GPR26: variants seen among roughly 807,000 people sequenced by gnomAD.
GPR26 encodes G protein-coupled receptor 26.
GPR26 carries 15 observed loss-of-function variants against 23.1 expected under a neutral mutation model. That is an observed-to-expected ratio of 0.65 (90% CI 0.43 to 1.00). The LOEUF (loss-of-function observed/expected upper bound fraction) is 1.00. Ranked by LOEUF, GPR26 falls within the 50% of genes least tolerant of loss-of-function variation. GPR26 has a pLI of 0.00. For synonymous variants in GPR26, 228 were observed against 222.1 expected, an observed-to-expected ratio of 1.03 and a Z score of -0.24; for missense variants, 359 against 470.5, an observed-to-expected ratio of 0.76 and a Z score of 2.19.
At chr10:123,675,970 G>A (rs1845305989) in intron 2 of GPR26, among the ~76,000 whole-genome samples, 2 of 152,104 alleles carry the variant, frequency 1.3e-5, no homozygotes, top group Non-Finnish European at 2.9e-5. Flanking sequence ...TCAGCATCTT[G>A]CACACCCCAG....
chr10:123,688,455 G>C lies in GPR26; in HGVS notation c.*295G>C. On this transcript the variant is annotated 3_prime_UTR_variant, in exon 3 of 3. Coordinates refer to ENST00000284674, the MANE Select transcript of GPR26 (RefSeq NM_153442.4). ...GAGGCTCCCTGGGGGATGACACTCA[G>C]TTCTGTCACTGTCAAGGATGCAGAG... is the stretch of plus-strand genomic sequence containing the variant. 1 of 410,542 alleles carries C rather than the reference G, an allele frequency of 2.4e-6. No individual in the cohort carries two copies. Among genetic ancestry groups the C allele is most frequent in the Non-Finnish European group, 4.5e-6 (1 of 220,676 alleles). 25.4% of individuals were successfully genotyped at this position (410,542 alleles called of 1,614,324 possible).
In GPR26 at chr10:123,695,136, T is replaced by G. The variant is rs751737167; in HGVS notation, c.*6976T>G. Reference sequence around the variant, plus strand: ...CGGGTGTTGCCCGTACAGTGTGTCATGTAAATAGCATCTAGCATTTAAAGG... The same window carrying G: ...CGGGTGTTGCCCGTACAGTGTGTCAGGTAAATAGCATCTAGCATTTAAAGG... On this transcript the variant is annotated 3_prime_UTR_variant, in exon 3 of 3. Coordinates refer to ENST00000284674, the MANE Select transcript of GPR26 (RefSeq NM_153442.4). Among the ~76,000 whole-genome samples, 2 of 152,244 alleles carry G rather than the reference T, an allele frequency of 1.3e-5. No homozygotes were observed. The highest frequency in any genetic ancestry group is 2.9e-5 in the Non-Finnish European group (2 of 68,038).
At chr10:123,685,588 C>T (rs1845423983) in intron 2 of GPR26, among the ~76,000 whole-genome samples, 1 of 152,210 alleles carries the variant, frequency 6.6e-6, no homozygotes, top group African/African-American at 2.4e-5. Context: ...TGATAAAGGC[C>T]AGACATTGGC....
chr10:123,690,805 T>C lies in GPR26; in HGVS notation c.*2645T>C, dbSNP rs540683856. 6 of 152,366 alleles carry C rather than the reference T, an allele frequency of 3.9e-5. No individual in the cohort carries two copies. In the East Asian group the frequency reaches 1.2e-3, roughly 29 times the overall value. The allele number at this position is 152,366 out of a possible 1,614,324, so 9.4% of individuals were successfully genotyped here. ...CCTGGCTTTATTACTCCCAATTGAA[T>C]TATCTACCTCATTTTGTTAATTTAA... On this transcript the variant is annotated 3_prime_UTR_variant, in exon 3 of 3. Transcript: ENST00000284674.
In GPR26 at chr10:123,693,399, T is replaced by G. The variant is rs1183086107; in HGVS notation, c.*5239T>G. 1 of 152,240 alleles carries G rather than the reference T, an allele frequency of 6.6e-6. No individual in the cohort carries two copies. The allele number at this position is 152,240 out of a possible 1,614,324, so 9.4% of individuals were successfully genotyped here. A position where few individuals can be genotyped will look rare whatever the true frequency, so the allele number is the denominator to read the frequency against. ...CCCCTGGCACCAAAGTGGACCTCTTTGCACCTTGCAGCCGGGAGAACTGAC... is the reference window on the plus strand; with the variant it reads ...CCCCTGGCACCAAAGTGGACCTCTTGGCACCTTGCAGCCGGGAGAACTGAC... On this transcript the variant is annotated 3_prime_UTR_variant, in exon 3 of 3. Transcript: ENST00000284674.
rs780129891 is a variant in GPR26, at chr10:123,696,310, GCTAT to G, written c.*8152_*8155del. 1.7e-4 allele frequency among the ~76,000 whole-genome samples: 26 copies of G among 152,208 alleles called. No individual in the cohort carries two copies. Among genetic ancestry groups the G allele is most frequent in the Non-Finnish European group, 3.8e-4 (26 of 68,038 alleles). ...TTAGTGAGAGGACAGCTGGCTAAAT[GCTAT>G]CCTCAGTCCTCCTGGAGGCTCCTAG... is the stretch of plus-strand genomic sequence containing the variant. On this transcript the variant is annotated 3_prime_UTR_variant, in exon 3 of 3. Coordinates refer to ENST00000284674, the MANE Select transcript of GPR26 (RefSeq NM_153442.4).
At chr10:123,675,743 A>C (rs1317792767) in intron 2 of GPR26, among the ~76,000 whole-genome samples, 1 of 151,036 alleles carries the variant, frequency 6.6e-6, no homozygotes, top group African/African-American at 2.4e-5. Flanking sequence ...GGTTATTAGA[A>C]GGTGGATATG....
At chr10:123,687,800 C>A in intron 2 of GPR26, 129 bp from the exon 3 acceptor site, 1 of 629,126 alleles carries the variant, frequency 1.6e-6, no homozygotes. Context: ...TTTGAGGAGG[C>A]AGTCTCAGAT....
chr10:123,667,150 G>T, intron 1 of GPR26, 75 bp downstream of exon 1: 1 of 1,125,542 alleles, frequency 8.9e-7, no homozygotes, highest in Non-Finnish European at 1.2e-6. Flanking sequence ...CCTAGCCCCA[G>T]GGGCTCTTTT....
At chr10:123,683,101 T>C (rs910372485) in intron 2 of GPR26, among the ~76,000 whole-genome samples, 3 of 105,658 alleles carry the variant, frequency 2.8e-5, no homozygotes, top group African/African-American at 1.0e-4. Flanking sequence ...GATGGTGGTA[T>C]AGAAGGTGTA....
chr10:123,685,452 G>A (rs546047204), intron 2 of GPR26, among the ~76,000 whole-genome samples: 5 of 152,316 alleles, frequency 3.3e-5, no homozygotes, highest in South Asian at 2.1e-4. Flanking sequence ...ATGGGGCCGC[G>A]AGAAAGCAGC....
chr10:123,678,756 C>CTG (rs955477617), intron 2 of GPR26, among the ~76,000 whole-genome samples: 6 of 152,206 alleles, frequency 3.9e-5, no homozygotes, highest in African/African-American at 1.4e-4. Context: ...TGAGCCCCAG[C>CTG]TGTGCATGGG....
intron 1 of GPR26, among the ~76,000 whole-genome samples, chr10:123,672,138 A>C (rs2133922999): frequency 6.6e-6 from 1 of 152,230 alleles, no homozygotes; most frequent in East Asian, 1.9e-4. Context: ...TTTCTTTTGG[A>C]AGATTTCAGG....
At chr10:123,667,561 C>CTCTGTGTGTG (rs1175317398) in intron 1 of GPR26, among the ~76,000 whole-genome samples, 5 of 124,998 alleles carry the variant, frequency 4.0e-5, no homozygotes, top group African/African-American at 1.6e-4. Context: ...TGTCTCACGA[C>CTCTGTGTGTG]TGTGTGTGTG....
chr10:123,669,081 GC>G (rs1348138742), intron 1 of GPR26, among the ~76,000 whole-genome samples: 1 of 152,176 alleles, frequency 6.6e-6, no homozygotes, highest in African/African-American at 2.4e-5. Flanking sequence ...TCTCTTCCTA[GC>G]CCCGGGCTGC....
intron 1 of GPR26, among the ~76,000 whole-genome samples, chr10:123,669,574 C>T (rs890270953): frequency 6.6e-6 from 1 of 152,202 alleles, no homozygotes; most frequent in Non-Finnish European, 1.5e-5. Context: ...GGACAGCAGC[C>T]GGAGTCTTTG....
chr10:123,678,965 T>C (rs1018219130), intron 2 of GPR26, among the ~76,000 whole-genome samples: 1 of 152,208 alleles, frequency 6.6e-6, no homozygotes, highest in African/African-American at 2.4e-5. Flanking sequence ...AAGGAATAAA[T>C]AAGATCGCCC....
chr10:123,688,098 A>C lies in GPR26; in HGVS notation c.952A>C (p.Ile318Leu), dbSNP rs1564733848. ...ILNRLLHRRSIHSSGLTGDSH... is the reference protein window; with the variant it reads ...ILNRLLHRRSLHSSGLTGDSH... ...GAACAGGCTCCTGCACAGACGCTCC[A>C]TCCACTCCTCTGGCCTCACAGGCGA... The change falls in exon 3 of 3, where the codon ATC becomes CTC. Residue 318 changes from isoleucine (I) to leucine (L), a missense_variant. Transcript: ENST00000284674. The C allele has an allele frequency of 6.2e-7, 1 of 1,613,950 alleles. No individual in the cohort carries two copies. The highest frequency in any genetic ancestry group is 8.5e-7 in the Non-Finnish European group (1 of 1,180,008).
intron 2 of GPR26, among the ~76,000 whole-genome samples, chr10:123,684,005 G>A (rs962201070): frequency 3.3e-5 from 5 of 152,094 alleles, no homozygotes; most frequent in Non-Finnish European, 5.9e-5. Context: ...AGGGGATCCC[G>A]GCCTCTCCCC....
Sources: allele counts gnomAD v4.1 joint callset (sites outside exome capture counted in the v4.1 genomes callset), GRCh38; gene constraint gnomAD v4.1.1; transcripts MANE v1.5; gene names NCBI Gene and HGNC (gene_info 2026-07-23, HGNC 2026-07-21).